Variants in NFYC observed in about 807,000 individuals in gnomAD.
NFYC encodes the protein CAAT box DNA-binding protein subunit C.
Under a neutral mutation model 53.1 loss-of-function variants are expected in NFYC, and 25 were observed. The ratio of observed to expected loss-of-function variants is 0.47; its 90% confidence interval spans 0.34 to 0.66. The LOEUF is 0.66. Ranked by LOEUF, NFYC falls within the 30% of genes least tolerant of loss-of-function variation. The probability of loss-of-function intolerance (pLI) is 0.01; values close to 1 mark genes in which losing one functional copy is unlikely to be tolerated. For synonymous variants in NFYC, 145 were observed against 152.6 expected (o/e 0.95, Z 0.37); for missense variants, 260 against 422.7 (o/e 0.62, Z 3.38).
intron 5 of NFYC, among the ~76,000 whole-genome samples, chr1:40,756,759 TCTAA>T (rs1373693030): frequency 2.6e-5 from 4 of 152,236 alleles, no homozygotes; most frequent in Non-Finnish European, 5.9e-5. Flanking sequence ...CTTTCCTGCC[TCTAA>T]CTGTCTGCCT....
intron 6 of NFYC, chr1:40,758,524 A>C: frequency 2.2e-6 from 1 of 454,282 alleles, no homozygotes. Flanking sequence ...ACTAGACAGT[A>C]TGTTCTCCAG....
intron 5 of NFYC, among the ~76,000 whole-genome samples, chr1:40,755,223 A>G (rs1646145939): frequency 6.6e-6 from 1 of 152,192 alleles, no homozygotes; most frequent in Admixed American, 6.5e-5. Flanking sequence ...CTAGGATGTG[A>G]TGCTGCTCTT....
At chr1:40,758,021 G>GC in intron 5 of NFYC, 100 bp from the exon 6 acceptor site, 1 of 1,319,932 alleles carries the variant, frequency 7.6e-7, no homozygotes, top group Non-Finnish European at 1.1e-6. Context: ...CATTCAGCAG[G>GC]CAACTGCACA....
intron 4 of NFYC, among the ~76,000 whole-genome samples, chr1:40,750,108 G>A (rs773600369): frequency 3.3e-5 from 5 of 151,790 alleles, no homozygotes; most frequent in Middle Eastern, 6.8e-3. Context: ...TAGGCTTTTT[G>A]TTCCTTGTCA....
chr1:40,694,000 A>AT (rs1292975436), intron 1 of NFYC, among the ~76,000 whole-genome samples: 2 of 151,970 alleles, frequency 1.3e-5, no homozygotes, highest in Non-Finnish European at 2.9e-5. Flanking sequence ...AAATTGCTGC[A>AT]TTTTTTCCTG....
intron 4 of NFYC, among the ~76,000 whole-genome samples, chr1:40,749,891 A>G (rs1645817176): frequency 6.6e-6 from 1 of 152,218 alleles, no homozygotes; most frequent in South Asian, 2.1e-4. Context: ...CCTTCTAGCC[A>G]TGGTGATTGT....
At chr1:40,716,346 C>T (rs1001829611) in intron 1 of NFYC, among the ~76,000 whole-genome samples, 9 of 152,110 alleles carry the variant, frequency 5.9e-5, no homozygotes, top group African/African-American at 2.2e-4. Flanking sequence ...GCATTCCAGA[C>T]ATTGGGAGCA....
chr1:40,753,821 A>G (rs746200677), intron 5 of NFYC, among the ~76,000 whole-genome samples: 7 of 152,200 alleles, frequency 4.6e-5, no homozygotes, highest in African/African-American at 7.2e-5. Context: ...GATGCTTTTA[A>G]TGTGCAGTCA....
chr1:40,769,594 C>T (rs1296916682), intron 9 of NFYC, among the ~76,000 whole-genome samples, 179 bp downstream of exon 9: 1 of 152,166 alleles, frequency 6.6e-6, no homozygotes, highest in African/African-American at 2.4e-5. Flanking sequence ...GTTTTATAGA[C>T]TTAGTGGGAA....
rs150285218 is a variant in NFYC, at chr1:40,717,825, T to C, written c.-8-21011T>C. Reference sequence around the variant, plus strand: ...ATGAAGCTGACCAAAAATACATATGTAGGAATTTGGCAGCATTTGCTGAGC... The same window carrying C: ...ATGAAGCTGACCAAAAATACATATGCAGGAATTTGGCAGCATTTGCTGAGC... On this transcript the variant is annotated intron_variant, in intron 1 of 9. Transcript: ENST00000447388. 2.0e-5 allele frequency among the ~76,000 whole-genome samples: 3 copies of C among 152,314 alleles called. No homozygotes were observed. In the East Asian group the frequency reaches 5.8e-4, roughly 29 times the overall value.
rs142635576 is a variant in NFYC at position 40,692,548 on chromosome 1, C to G, written c.-9+681C>G. Among the ~76,000 whole-genome samples, 12 of 152,212 alleles carry G rather than the reference C, an allele frequency of 7.9e-5. No homozygotes were observed. The East Asian group carries it at 2.3e-3, about 29-fold the overall frequency. ...AATGTGACCCAGTTTGGAAGTGGCC[C>G]TGAAGTCCACGGTGTGAGTGTATGG... On this transcript the variant is annotated intron_variant, in intron 1 of 9. Transcript: ENST00000447388.
chr1:40,756,525 G>T (rs1206628328), intron 5 of NFYC, among the ~76,000 whole-genome samples: 23 of 152,144 alleles, frequency 1.5e-4, no homozygotes. Context: ...TGTTTCTCAG[G>T]GGTAGATACT....
At chr1:40,759,922 T>G (rs1298978599) in intron 6 of NFYC, among the ~76,000 whole-genome samples, 1 of 151,780 alleles carries the variant, frequency 6.6e-6, no homozygotes, top group Admixed American at 6.6e-5. Context: ...TGAGTTTGCC[T>G]AGAAGAAAAA....
At chr1:40,747,457 G>GT (rs1323600594) in intron 2 of NFYC, 77 bp from the exon 3 acceptor site, 1 of 980,458 alleles carries the variant, frequency 1.0e-6, no homozygotes, top group Non-Finnish European at 1.6e-6. Flanking sequence ...AAGCCAGAGT[G>GT]TTTCCTACTG....
intron 1 of NFYC, among the ~76,000 whole-genome samples, chr1:40,708,811 T>C (rs1481520868): frequency 6.6e-6 from 1 of 152,238 alleles, no homozygotes; most frequent in Non-Finnish European, 1.5e-5. Flanking sequence ...TTTGTTTTTC[T>C]TCTGTTAATG....
chr1:40,738,890 A>C lies in NFYC; in HGVS notation c.47A>C (p.Gln16Pro). ...GGTGGTACTAGCAGCAGTGATGCCC[A>C]GCAAAGCCTACAGTCGTTCTGGCCT... is the stretch of plus-strand genomic sequence containing the variant. The part of the protein sequence containing the change: ...GFGGTSSSDA[Q>P]QSLQSFWPRV... The change falls in exon 2 of 10, where the codon CAG becomes CCG. Residue 16 changes from glutamine to proline, a missense_variant. Gln to Pro is a moderately conservative substitution (Grantham distance 76). Transcript: ENST00000447388. 6.2e-7 allele frequency: 1 copy of C among 1,614,214 alleles called. No individual in the cohort carries two copies. The highest frequency in any genetic ancestry group is 2.2e-5 in the East Asian group (1 of 44,882).
chr1:40,753,493 A>T (rs1445498760), intron 5 of NFYC, among the ~76,000 whole-genome samples: 1 of 152,228 alleles, frequency 6.6e-6, no homozygotes, highest in Non-Finnish European at 1.5e-5. Flanking sequence ...ACAAATGGTA[A>T]AGTTAAGCTC....
intron 1 of NFYC, among the ~76,000 whole-genome samples, chr1:40,714,885 C>G (rs974555085): frequency 3.3e-5 from 5 of 151,446 alleles, no homozygotes; most frequent in African/African-American, 1.2e-4. Context: ...TCAAGACCAT[C>G]CTGGCTAACA....
intron 4 of NFYC, among the ~76,000 whole-genome samples, chr1:40,752,120 T>C (rs1023372339): frequency 5.9e-5 from 9 of 152,244 alleles, no homozygotes; most frequent in African/African-American, 2.2e-4. Context: ...CATTTTATTA[T>C]GAAAAATTTC....
Sources: allele counts gnomAD v4.1 joint callset (sites outside exome capture counted in the v4.1 genomes callset), GRCh38; gene constraint gnomAD v4.1.1; transcripts MANE v1.5; gene names NCBI Gene and HGNC (gene_info 2026-07-23, HGNC 2026-07-21).